TAF3: variants seen among roughly 807,000 people sequenced by gnomAD.
TAF3 encodes the protein transcription initiation factor TFIID subunit 3.
TAF3 carries 7 observed loss-of-function variants against 80.6 expected under a neutral mutation model. The ratio of observed to expected loss-of-function variants is 0.09; its 90% CI spans 0.05 to 0.16. The LOEUF (loss-of-function observed/expected upper bound fraction) is 0.16, where lower values mean the gene tolerates loss of function less well. Ranked by LOEUF, TAF3 falls within the 10% of genes least tolerant of loss-of-function variation. The pLI is 1.00. For missense variants in TAF3, 921 were observed against 1,140.2 expected, an observed-to-expected ratio of 0.81 and a Z score of 2.77; for synonymous variants, 444 against 446.1, an observed-to-expected ratio of 1.00 and a Z score of 0.06.
intron 2 of TAF3, among the ~76,000 whole-genome samples, chr10:7,849,650 CAACT>C (rs1298618844): frequency 6.6e-6 from 1 of 151,190 alleles, no homozygotes; most frequent in Non-Finnish European, 1.5e-5. Context: ...AAAATTATAA[CAACT>C]ATTGGGGGGG....
rs1195736844 is a variant in TAF3, at chr10:7,994,924, G to A, written c.2316-14154G>A. On this transcript the variant is annotated intron_variant, in intron 4 of 6. Transcript: ENST00000344293. ...CAGGAGGTGGAGGTTGCAGTGAGCC[G>A]AGATCACACCACTGCACTCCAGGCG... Among the ~76,000 whole-genome samples, 15 of 140,020 alleles carry A rather than the reference G, an allele frequency of 1.1e-4. 1 individual carries two copies. Among genetic ancestry groups the A allele is most frequent in the African/African-American group, 3.2e-4 (12 of 37,598 alleles). 91.9% of individuals were successfully genotyped at this position (140,020 alleles called of 152,430 possible). A position where few individuals can be genotyped will look rare whatever the true frequency, so the allele number is the denominator to read the frequency against.
chr10:7,956,002 T>C (rs1345665412), intron 2 of TAF3, among the ~76,000 whole-genome samples: 2 of 152,166 alleles, frequency 1.3e-5, no homozygotes, highest in Non-Finnish European at 2.9e-5. Flanking sequence ...CTCTGATGCT[T>C]TTAGGGTAAA....
chr10:7,843,808 T>A (rs1410243797), intron 2 of TAF3, among the ~76,000 whole-genome samples: 3 of 152,060 alleles, frequency 2.0e-5, no homozygotes, highest in Non-Finnish European at 4.4e-5. Context: ...TCACTACATA[T>A]TATGTAGTGA....
At chr10:7,844,874 C>T (rs1213819721) in intron 2 of TAF3, among the ~76,000 whole-genome samples, 8 of 151,816 alleles carry the variant, frequency 5.3e-5, no homozygotes, top group Non-Finnish European at 1.2e-4. Flanking sequence ...AAGAATATGC[C>T]ATTAGTTACT....
At chr10:8,012,262 G>T (rs551702335) in intron 5 of TAF3, among the ~76,000 whole-genome samples, 10 of 152,328 alleles carry the variant, frequency 6.6e-5, no homozygotes, top group African/African-American at 2.2e-4. Context: ...TTATGATTTA[G>T]ATGACATACA....
chr10:7,861,331 C>G (rs1837145042), intron 2 of TAF3, among the ~76,000 whole-genome samples: 1 of 152,106 alleles, frequency 6.6e-6, no homozygotes, highest in Non-Finnish European at 1.5e-5. Flanking sequence ...TGGTCTTGAA[C>G]TCCTGACCTT....
At chr10:7,907,884 G>A (rs1837620283) in intron 2 of TAF3, among the ~76,000 whole-genome samples, 1 of 152,214 alleles carries the variant, frequency 6.6e-6, no homozygotes, top group Non-Finnish European at 1.5e-5. Flanking sequence ...CAAGAGGGCA[G>A]GAGCTAGTGA....
intron 3 of TAF3, among the ~76,000 whole-genome samples, chr10:7,967,578 G>T (rs1354939129): frequency 6.6e-6 from 1 of 152,164 alleles, no homozygotes; most frequent in East Asian, 1.9e-4. Context: ...AGAAAATTCA[G>T]CTATCTTATA....
intron 2 of TAF3, among the ~76,000 whole-genome samples, chr10:7,927,734 G>T (rs926173255): frequency 6.6e-6 from 1 of 152,184 alleles, no homozygotes; most frequent in Non-Finnish European, 1.5e-5. Flanking sequence ...GATAATATAT[G>T]TAGTTGATAA....
chr10:7,922,725 G>T (rs532752151), intron 2 of TAF3, among the ~76,000 whole-genome samples: 40 of 152,108 alleles, frequency 2.6e-4, no homozygotes, highest in African/African-American at 8.9e-4. Context: ...ATAACTAACT[G>T]CCAGTTTTAC....
At chr10:8,013,898 T>C (rs977940083) in intron 6 of TAF3, 61 bp downstream of exon 6, 38 of 1,395,030 alleles carry the variant, frequency 2.7e-5, no homozygotes, top group Non-Finnish European at 3.8e-5. Context: ...GCTCCTGAGA[T>C]GAAGCATCCA....
chr10:7,928,194 C>A (rs1487246543), intron 2 of TAF3, among the ~76,000 whole-genome samples: 1 of 152,072 alleles, frequency 6.6e-6, no homozygotes, highest in Non-Finnish European at 1.5e-5. Flanking sequence ...AAATACTACT[C>A]TTACTGTTTT....
chr10:7,851,434 A>G (rs1197693186), intron 2 of TAF3, among the ~76,000 whole-genome samples: 1 of 152,200 alleles, frequency 6.6e-6, no homozygotes, highest in African/African-American at 2.4e-5. Flanking sequence ...AGAGATCATC[A>G]TGGCAGGCCT....
At chr10:7,979,545 C>T (rs1212731445) in intron 4 of TAF3, among the ~76,000 whole-genome samples, 3 of 151,980 alleles carry the variant, frequency 2.0e-5, no homozygotes, top group African/African-American at 4.8e-5. Context: ...AATTATAACA[C>T]CCAGGTATTC....
At chr10:7,900,686 A>G (rs1052304061) in intron 2 of TAF3, among the ~76,000 whole-genome samples, 9 of 152,132 alleles carry the variant, frequency 5.9e-5, no homozygotes, top group Non-Finnish European at 1.3e-4. Flanking sequence ...AAAAATTTTT[A>G]TTTCTAAAAC....
At chr10:7,994,892 T>C (rs1831872222) in intron 4 of TAF3, among the ~76,000 whole-genome samples, 1 of 150,264 alleles carries the variant, frequency 6.7e-6, no homozygotes, top group Non-Finnish European at 1.5e-5. Flanking sequence ...TGAGAATCAC[T>C]TGAACCCAGG....
chr10:7,957,794 G>GCGCTCTCTCT (rs1554785384), intron 2 of TAF3, among the ~76,000 whole-genome samples: 5 of 130,670 alleles, frequency 3.8e-5, no homozygotes, highest in African/African-American at 1.4e-4. Context: ...TCTCTAGCGC[G>GCGCTCTCTCT]CTCTCTCTCT....
chr10:7,860,795 T>C (rs917901572), intron 2 of TAF3, among the ~76,000 whole-genome samples: 45 of 150,812 alleles, frequency 3.0e-4, no homozygotes, highest in Non-Finnish European at 5.3e-4. Flanking sequence ...TTTCTTTCTT[T>C]CTTTCTTTCT....
At chr10:7,907,303 G>T (rs4749339) in intron 2 of TAF3, among the ~76,000 whole-genome samples, 27,775 of 152,152 alleles carry the variant, frequency 0.18, 2,762 homozygotes, top group East Asian at 0.29. Context: ...GATGCCAGAT[G>T]AGGTCTTTGA....
Sources: gnomAD v4.1 joint callset for allele counts (sites outside exome capture counted in the v4.1 genomes callset) on GRCh38, gnomAD v4.1.1 for gene constraint, MANE v1.5 for transcripts, NCBI Gene and HGNC (gene_info 2026-07-23, HGNC 2026-07-21) for gene names.